The following GPHN variants were observed in gnomAD, a reference collection of about 807,000 sequenced individuals.
GPHN encodes gephyrin.
Under a neutral mutation model 95.5 loss-of-function variants are expected in GPHN, and 17 were observed. That is an observed-to-expected ratio of 0.18 (90% CI 0.12 to 0.27). The LOEUF (loss-of-function observed/expected upper bound fraction) is 0.27. Among genes scored for constraint, GPHN ranks in the 10% least tolerant of loss-of-function variants. GPHN has a pLI of 1.00. For missense variants in GPHN, 660 were observed against 978.1 expected, an observed-to-expected ratio of 0.67 and a Z score of 4.34; for synonymous variants, 320 against 322.5, an observed-to-expected ratio of 0.99 and a Z score of 0.08.
chr14:67,530,379 G>A, the GPHN span, among the ~76,000 whole-genome samples: 6 of 152,132 alleles, frequency 3.9e-5, no homozygotes, highest in Admixed American at 6.5e-5. Context: ...CTTAAACTGA[G>A]CTCTGGCCAG....
At chr14:66,651,096 G>A (rs934311368) in intron 1 of GPHN, among the ~76,000 whole-genome samples, 4 of 152,160 alleles carry the variant, frequency 2.6e-5, no homozygotes, top group African/African-American at 9.7e-5. Context: ...GTTTTCTAAA[G>A]GTAGATCACT....
At chr14:67,428,466 G>C in the GPHN span, among the ~76,000 whole-genome samples, 2 of 152,244 alleles carry the variant, frequency 1.3e-5, no homozygotes, top group East Asian at 3.8e-4. Context: ...CTACACAGTA[G>C]GGGAGAACTC....
chr14:66,837,360 C>T (rs1032342381), intron 4 of GPHN, among the ~76,000 whole-genome samples: 39 of 145,678 alleles, frequency 2.7e-4, no homozygotes, highest in African/African-American at 8.5e-4. Flanking sequence ...AACCAAACAC[C>T]GCATGTTCTC....
At chr14:67,073,567 A>G (rs1279470901) in intron 11 of GPHN, among the ~76,000 whole-genome samples, 1 of 152,200 alleles carries the variant, frequency 6.6e-6, no homozygotes, top group Non-Finnish European at 1.5e-5. Context: ...AAATGAATAT[A>G]TGTAACACAG....
At chr14:67,439,575 TTC>T in the GPHN span, among the ~76,000 whole-genome samples, 9 of 122,472 alleles carry the variant, frequency 7.3e-5, no homozygotes, top group Middle Eastern at 8.0e-3. Context: ...CTTTCTTTCT[TTC>T]TTTCTTTCTT....
At chr14:67,387,969 C>T in the GPHN span, among the ~76,000 whole-genome samples, 32 of 152,192 alleles carry the variant, frequency 2.1e-4, 1 homozygote, top group African/African-American at 6.0e-4. Flanking sequence ...TATTTTTAGG[C>T]GGAAGCTTAT....
intron 4 of GPHN, among the ~76,000 whole-genome samples, chr14:66,837,317 C>G (rs1011851602): frequency 2.0e-5 from 3 of 150,886 alleles, no homozygotes; most frequent in East Asian, 1.9e-4. Flanking sequence ...AATTGGGAAC[C>G]ATCATTCTCA....
the GPHN span, among the ~76,000 whole-genome samples, chr14:67,518,303 T>C: frequency 1.3e-5 from 2 of 152,240 alleles, no homozygotes; most frequent in Non-Finnish European, 2.9e-5. Context: ...CCTAGTTGGA[T>C]GTCTTAAGGA....
chr14:67,416,004 G>A, the GPHN span, among the ~76,000 whole-genome samples: 1 of 152,140 alleles, frequency 6.6e-6, no homozygotes, highest in Non-Finnish European at 1.5e-5. Context: ...GAGAGCATCA[G>A]GAAAAATAGC....
chr14:67,291,285 A>G, the GPHN span, among the ~76,000 whole-genome samples: 1 of 151,676 alleles, frequency 6.6e-6, no homozygotes, highest in African/African-American at 2.4e-5. Flanking sequence ...CTAGAATGCA[A>G]TGGTGTGATC....
chr14:66,897,755 T>G (rs1472175470), intron 5 of GPHN, among the ~76,000 whole-genome samples: 1 of 152,118 alleles, frequency 6.6e-6, no homozygotes, highest in Non-Finnish European at 1.5e-5. Context: ...TCTGGGTTGT[T>G]TACAGTTTGT....
the GPHN span, among the ~76,000 whole-genome samples, chr14:67,557,638 AG>A: frequency 2.6e-5 from 4 of 152,236 alleles, no homozygotes; most frequent in African/African-American, 9.6e-5. Flanking sequence ...AGGAGCTTGG[AG>A]GCAGACTGAT....
At chr14:67,412,267 CACCCA>C in the GPHN span, 2 of 458,152 alleles carry the variant, frequency 4.4e-6, no homozygotes, top group African/African-American at 4.1e-5. Flanking sequence ...GTGACGTTTC[CACCCA>C]AAGGTGCTCC....
intron 9 of GPHN, among the ~76,000 whole-genome samples, chr14:67,007,805 A>T (rs1234071726): frequency 6.6e-6 from 1 of 152,158 alleles, no homozygotes; most frequent in South Asian, 2.1e-4. Context: ...TTATAGAGTC[A>T]TATGTCCTGG....
chr14:67,659,271 A>G, the GPHN span, among the ~76,000 whole-genome samples: 5 of 152,332 alleles, frequency 3.3e-5, no homozygotes, highest in African/African-American at 1.2e-4. Flanking sequence ...ATTAAGGTAA[A>G]GGAAAGCTTG....
chr14:67,520,058 G>C, the GPHN span, among the ~76,000 whole-genome samples: 1 of 152,246 alleles, frequency 6.6e-6, no homozygotes, highest in East Asian at 1.9e-4. Flanking sequence ...TAGGTTCACA[G>C]CAAAATTGAG....
the GPHN span, among the ~76,000 whole-genome samples, chr14:67,480,584 G>T: frequency 6.6e-6 from 1 of 152,114 alleles, no homozygotes; most frequent in Non-Finnish European, 1.5e-5. Context: ...CGGTCTGAGG[G>T]CCTGAGACAG....
At chr14:66,966,158 T>C (rs1307333342) in intron 9 of GPHN, among the ~76,000 whole-genome samples, 1 of 152,150 alleles carries the variant, frequency 6.6e-6, no homozygotes, top group African/African-American at 2.4e-5. Flanking sequence ...TTTAGGATTC[T>C]GACAGTTAAT....
the GPHN span, among the ~76,000 whole-genome samples, chr14:67,605,829 C>T: frequency 3.3e-5 from 5 of 151,902 alleles, no homozygotes; most frequent in South Asian, 2.1e-4. Context: ...ACCACAGGTG[C>T]GCACCCCCAT....
Sources: gnomAD v4.1 joint callset for allele counts (sites outside exome capture counted in the v4.1 genomes callset) on GRCh38, gnomAD v4.1.1 for gene constraint, MANE v1.5 for transcripts, NCBI Gene and HGNC (gene_info 2026-07-23, HGNC 2026-07-21) for gene names.